CSMD2: variants seen among roughly 807,000 people sequenced by gnomAD.
CSMD2 encodes the protein CUB and sushi domain-containing protein 2.
Under a neutral mutation model 398.5 loss-of-function variants are expected in CSMD2, and 130 were observed. The observed-to-expected ratio is 0.33, with a 90% CI of 0.28 to 0.38. CSMD2 has a LOEUF of 0.38. CSMD2 is among the 10% of genes least tolerant of loss of function. The pLI, the probability that CSMD2 is intolerant of heterozygous loss-of-function variation, is 1.00. For missense variants in CSMD2, 3,829 were observed against 4,764.9 expected, an observed-to-expected ratio of 0.80 and a Z score of 5.78; for synonymous variants, 1,828 against 1,908.5, an observed-to-expected ratio of 0.96 and a Z score of 1.10.
At chr1:33,714,836 A>T (rs1646113780) in intron 20 of CSMD2, 61 bp from the exon 21 acceptor site, 3 of 1,557,020 alleles carry the variant, frequency 1.9e-6, no homozygotes, top group Non-Finnish European at 2.6e-6. Context: ...AAGCAAAAAG[A>T]TGGGAACGCA....
chr1:33,889,665 T>C (rs1641848781), intron 5 of CSMD2, among the ~76,000 whole-genome samples: 1 of 148,684 alleles, frequency 6.7e-6, no homozygotes, highest in Admixed American at 6.6e-5. Flanking sequence ...CATATATATA[T>C]ATACTGACAT....
At chr1:33,782,093 G>T (rs992852043) in intron 12 of CSMD2, among the ~76,000 whole-genome samples, 28 of 152,242 alleles carry the variant, frequency 1.8e-4, no homozygotes, top group African/African-American at 6.5e-4. Context: ...AGCCAGATGT[G>T]CCTAAGGGAT....
chr1:33,784,322 A>AC (rs1653227772), intron 12 of CSMD2, among the ~76,000 whole-genome samples: 1 of 152,018 alleles, frequency 6.6e-6, no homozygotes, highest in Admixed American at 6.6e-5. Flanking sequence ...ATGGGCAAGG[A>AC]CAGGGAGTCA....
At chr1:33,545,591 C>T (rs75923276) in intron 57 of CSMD2, among the ~76,000 whole-genome samples, 1,670 of 152,176 alleles carry the variant, frequency 0.011, 25 homozygotes, top group African/African-American at 0.039. Context: ...AGCATTAATC[C>T]CATTCCATGA....
intron 5 of CSMD2, chr1:33,864,474 C>CG: frequency 6.2e-7 from 1 of 1,613,416 alleles, no homozygotes; most frequent in Non-Finnish European, 8.5e-7. Context: ...GGAACCCAGA[C>CG]GGCCTCCATC....
At chr1:33,789,301 AG>A (rs961853980) in intron 11 of CSMD2, among the ~76,000 whole-genome samples, 1 of 144,622 alleles carries the variant, frequency 6.9e-6, no homozygotes, top group Non-Finnish European at 1.5e-5. Flanking sequence ...GGGGGCGGGG[AG>A]GGGGGGATTC....
At chr1:33,550,135 A>C (rs1477225476) in intron 56 of CSMD2, 42 bp downstream of exon 56, 1 of 1,590,502 alleles carries the variant, frequency 6.3e-7, no homozygotes, top group African/African-American at 1.3e-5. Flanking sequence ...CCATCAGTCA[A>C]GCATTCCACT....
At chr1:33,769,868 A>T (rs552511480) in intron 13 of CSMD2, among the ~76,000 whole-genome samples, 1 of 152,196 alleles carries the variant, frequency 6.6e-6, no homozygotes, top group African/African-American at 2.4e-5. Context: ...TGACTAATGT[A>T]TTGGAAAATT....
chr1:34,047,900 G>A (rs987112159), intron 2 of CSMD2, among the ~76,000 whole-genome samples: 2 of 152,216 alleles, frequency 1.3e-5, no homozygotes, highest in Admixed American at 6.5e-5. Flanking sequence ...ACAACCAGAT[G>A]TTCCTCCTCC....
chr1:33,902,072 A>C (rs1642793716), intron 5 of CSMD2, among the ~76,000 whole-genome samples: 1 of 152,228 alleles, frequency 6.6e-6, no homozygotes, highest in Non-Finnish European at 1.5e-5. Context: ...CCATGATTTT[A>C]CAGAGGTGGG....
At chr1:33,740,920 A>G (rs937119577) in intron 14 of CSMD2, among the ~76,000 whole-genome samples, 2 of 152,232 alleles carry the variant, frequency 1.3e-5, no homozygotes, top group Non-Finnish European at 2.9e-5. Context: ...CTCTGAGTCA[A>G]GGACCCACTT....
chr1:33,670,613 C>T (rs901029905), intron 25 of CSMD2, among the ~76,000 whole-genome samples: 1 of 152,208 alleles, frequency 6.6e-6, no homozygotes, highest in Non-Finnish European at 1.5e-5. Flanking sequence ...TGGGCCAGAG[C>T]TCACTGCTGA....
chr1:33,947,866 G>C (rs1644885954), intron 3 of CSMD2, among the ~76,000 whole-genome samples: 1 of 152,202 alleles, frequency 6.6e-6, no homozygotes, highest in South Asian at 2.1e-4. Context: ...CACTGAGGTG[G>C]ATACTGTGCC....
In CSMD2 at chr1:34,163,960, C is replaced by T. The variant is rs1641602843; in HGVS notation, c.187+951G>A. Among the ~76,000 whole-genome samples, 6 of 152,070 alleles carry T rather than the reference C, an allele frequency of 3.9e-5. No homozygotes were observed. Among genetic ancestry groups the T allele is most frequent in the Admixed American group, 3.9e-4 (6 of 15,282 alleles). On this transcript the variant is annotated intron_variant, in intron 1 of 70. Transcript: ENST00000373381. The surrounding 1 kb of genome is among the most constrained non-coding windows in gnomAD (Gnocchi z 5.4). ...CGAAGGTTCGCGTACCTCCCCCGCG[C>T]GCTGCAAGCTGCAGCCAGACACCCG...
Position 33,652,369 on chromosome 1 carries a change from T to G in CSMD2, c.4540A>C (p.Lys1514Gln). The G allele has an allele frequency of 6.2e-7, 1 of 1,614,162 alleles. No homozygotes were observed. The highest frequency in any genetic ancestry group is 8.5e-7 in the Non-Finnish European group (1 of 1,180,002). The change falls in exon 28 of 71, where the codon AAA becomes CAA. Residue 1514 changes from lysine (K) to glutamine (Q), a missense_variant. Physicochemically the swap from Lys to Gln is moderately conservative, Grantham distance 53. This residue lies in a region of CSMD2 where 2,001 missense variants were observed against 2,567.1 expected (regional missense o/e 0.78). Coordinates refer to ENST00000373381, the MANE Select transcript of CSMD2 (RefSeq NM_001281956.2). The part of the protein sequence containing the change: ...PYPPGKECDW[K>Q]VTVSPDYVIA... ...ACGTAGTCTGGTGAGACGGTCACTT[T>G]CCAGTCACACTCCTTGCCTGGCGGG...
chr1:34,043,876 G>A (rs111635420), intron 2 of CSMD2, among the ~76,000 whole-genome samples: 1,728 of 152,282 alleles, frequency 0.011, 20 homozygotes, highest in Non-Finnish European at 0.017. Flanking sequence ...GAAAACCCTG[G>A]GCAATGAGTC....
chr1:33,898,939 G>A (rs145793111), intron 5 of CSMD2, among the ~76,000 whole-genome samples: 37 of 152,302 alleles, frequency 2.4e-4, no homozygotes, highest in African/African-American at 8.4e-4. Flanking sequence ...GCAAACAGAA[G>A]TCAGGAAGCA....
chr1:33,960,226 G>A (rs1253658892), intron 3 of CSMD2, among the ~76,000 whole-genome samples: 1 of 152,140 alleles, frequency 6.6e-6, no homozygotes, highest in East Asian at 1.9e-4. Flanking sequence ...AATCCCCAGA[G>A]GCCCACCCCC....
intron 46 of CSMD2, among the ~76,000 whole-genome samples, chr1:33,584,332 A>G (rs1638926670): frequency 6.6e-6 from 1 of 152,162 alleles, no homozygotes; most frequent in African/African-American, 2.4e-5. Context: ...CTCTATCTCC[A>G]ACACAGAGAT....
Sources: gnomAD v4.1 joint callset for allele counts (sites outside exome capture counted in the v4.1 genomes callset) on GRCh38, gnomAD v4.1.1 for gene constraint, gnomAD v4.1.1 regional missense constraint, Gnocchi (gnomAD v3.1) non-coding constraint, MANE v1.5 for transcripts, NCBI Gene and HGNC (gene_info 2026-07-23, HGNC 2026-07-21) for gene names.